Variants in CD99 observed in about 807,000 individuals in gnomAD.
CD99 encodes the protein CD99 antigen.
CD99 carries 19 observed loss-of-function variants against 28.4 expected under a neutral mutation model. The ratio of observed to expected loss-of-function variants is 0.67; its 90% CI spans 0.47 to 0.98. CD99 has a LOEUF of 0.98. CD99 is among the 50% of genes least tolerant of loss of function. CD99 has a pLI of 0.00. For missense variants in CD99, 283 were observed against 248.8 expected (o/e 1.14, Z -0.92); for synonymous variants, 103 against 92.1 (o/e 1.12, Z -0.67).
In CD99 at chrX:2,736,107, C is replaced by G. The variant is rs759923180; in HGVS notation, c.476-2093C>G. On this transcript the variant is annotated intron_variant, in intron 8 of 9. Transcript: ENST00000381192. ...GTCCCAGCTACTCGGGAGGCTGAGG[C>G]AAGAGAATGGCGTGAACCCTGGAGG... 8.7e-5 allele frequency among the ~76,000 whole-genome samples: 13 copies of G among 149,966 alleles called. No individual in the cohort carries two copies. In the South Asian group the frequency reaches 2.7e-3, roughly 32 times the overall value.
chrX:2,715,468 C>G (rs1182866912), intron 2 of CD99: 4 of 151,594 alleles, frequency 2.6e-5, no homozygotes, highest in African/African-American at 9.8e-5. Flanking sequence ...CTGCCTCCTT[C>G]TCCGTGGGGC....
intron 9 of CD99, among the ~76,000 whole-genome samples, chrX:2,740,065 C>T (rs1196628020): frequency 6.6e-6 from 1 of 151,796 alleles, no homozygotes; most frequent in African/African-American, 2.4e-5. Flanking sequence ...GCACTCCAGC[C>T]TGGGCAACAA....
intron 7 of CD99, among the ~76,000 whole-genome samples, chrX:2,724,571 C>A (rs1261956732): frequency 6.6e-6 from 1 of 152,010 alleles, no homozygotes; most frequent in Non-Finnish European, 1.5e-5. Flanking sequence ...GAGTTCGAAA[C>A]CAGCCTGGCC....
At chrX:2,705,101 G>C (rs918843748) in intron 1 of CD99, among the ~76,000 whole-genome samples, 10 of 152,238 alleles carry the variant, frequency 6.6e-5, no homozygotes, top group African/African-American at 2.2e-4. Context: ...TCCATAGTTT[G>C]CTAGCAGAGA....
At chrX:2,728,670 A>G (rs2049425678) in intron 8 of CD99, among the ~76,000 whole-genome samples, 3 of 152,274 alleles carry the variant, frequency 2.0e-5, no homozygotes, top group East Asian at 1.9e-4. Flanking sequence ...TTAAAACAGT[A>G]GGGACTCAAT....
rs756640225 is a variant in CD99, at chrX:2,691,674, A to C, written c.67+247A>C. 9.9e-6 allele frequency: 7 copies of C among 704,040 alleles called. No individual in the cohort carries two copies. The African/African-American group carries it at 1.2e-4, about 12-fold the overall frequency. The allele number at this position is 704,040 out of a possible 1,614,324, so 43.6% of individuals were successfully genotyped here. ...TGTTGTCGGAGTTGCAAACTCTTAC[A>C]TGTGGGGCGGCCTTGGGAGAGGTGC... is the stretch of plus-strand genomic sequence containing the variant. On this transcript the variant is annotated intron_variant, in intron 1 of 9. Coordinates refer to ENST00000381192, the MANE Select transcript of CD99 (RefSeq NM_002414.5).
intron 1 of CD99, among the ~76,000 whole-genome samples, chrX:2,707,995 C>T (rs1214603547): frequency 8.5e-5 from 13 of 152,136 alleles, no homozygotes; most frequent in South Asian, 2.1e-4. Context: ...AGTTAGGAGA[C>T]GATAGCTTCA....
intron 1 of CD99, among the ~76,000 whole-genome samples, chrX:2,696,833 T>G (rs2047599689): frequency 6.6e-6 from 1 of 152,194 alleles, no homozygotes; most frequent in Non-Finnish European, 1.5e-5. Flanking sequence ...GCTTGGTTCC[T>G]TGGTGAGTTT....
At chrX:2,696,082 G>T (rs1271338370) in intron 1 of CD99, among the ~76,000 whole-genome samples, 3 of 152,222 alleles carry the variant, frequency 2.0e-5, no homozygotes, top group Admixed American at 1.3e-4. Context: ...AAGTGGCTTG[G>T]ATTCTAGCTG....
At chrX:2,694,717 C>T (rs1221702458) in intron 1 of CD99, among the ~76,000 whole-genome samples, 1 of 151,716 alleles carries the variant, frequency 6.6e-6, no homozygotes, top group African/African-American at 2.4e-5. Context: ...CGTGTCACCG[C>T]ATTATGGCCT....
chrX:2,738,201 A>G lies in CD99; in HGVS notation c.477A>G (p.Ala159=). The G allele has an allele frequency of 6.2e-7, 1 of 1,613,868 alleles. No individual in the cohort carries two copies. Among genetic ancestry groups the G allele is most frequent in the African/African-American group, 1.3e-5 (1 of 75,032 alleles). The change falls in exon 9 of 10, where the codon GCA becomes GCG. Residue 159 remains alanine, a splice_region_variant and synonymous_variant. Coordinates refer to ENST00000381192, the MANE Select transcript of CD99 (RefSeq NM_002414.5). Reference sequence around the variant, plus strand: ...TGTGTATTTTCTTCTTCTTTTCAGCAGAACAAGGGGAGGTGGACATGGAGA... The same window carrying G: ...TGTGTATTTTCTTCTTCTTTTCAGCGGAACAAGGGGAGGTGGACATGGAGA... ...QKKKLCFKEN[A]EQGEVDMESH...
intron 8 of CD99, among the ~76,000 whole-genome samples, chrX:2,733,828 T>C (rs867593248): frequency 6.6e-6 from 1 of 152,254 alleles, no homozygotes; most frequent in South Asian, 2.1e-4. Context: ...GCATGGATTT[T>C]TAAATCTTCA....
chrX:2,735,722 A>G (rs919589022), intron 8 of CD99, among the ~76,000 whole-genome samples: 1 of 152,184 alleles, frequency 6.6e-6, no homozygotes, highest in Non-Finnish European at 1.5e-5. Context: ...AGAACAAATG[A>G]CATTTGTGGT....
At chrX:2,712,463 G>A (rs961089444) in intron 1 of CD99, among the ~76,000 whole-genome samples, 31 of 152,068 alleles carry the variant, frequency 2.0e-4, no homozygotes, top group African/African-American at 6.8e-4. Flanking sequence ...GATTTCTATG[G>A]AAACATATGA....
At chrX:2,700,432 C>T (rs1569426514) in intron 1 of CD99, among the ~76,000 whole-genome samples, 2 of 151,774 alleles carry the variant, frequency 1.3e-5, no homozygotes, top group South Asian at 4.2e-4. Flanking sequence ...ATCAACCCAT[C>T]CTCCCATTCA....
At chrX:2,736,853 T>C (rs2049968343) in intron 8 of CD99, among the ~76,000 whole-genome samples, 1 of 151,094 alleles carries the variant, frequency 6.6e-6, no homozygotes, top group Non-Finnish European at 1.5e-5. Flanking sequence ...CGAGACTCTG[T>C]CTCAAAGAAA....
In CD99 at chrX:2,709,140, G is replaced by A. The variant is rs2048258221; in HGVS notation, c.68-5282G>A. Among the ~76,000 whole-genome samples, 3 of 144,880 alleles carry A rather than the reference G, an allele frequency of 2.1e-5. No individual in the cohort carries two copies. The South Asian group carries it at 6.5e-4, about 31-fold the overall frequency. On this transcript the variant is annotated intron_variant, in intron 1 of 9. Transcript: ENST00000381192. ...GGGAGGGGCAAGCTAGGCTGGGGAG[G>A]TGGCAGGCCATGGACACACACCAGA...
intron 1 of CD99, among the ~76,000 whole-genome samples, chrX:2,710,537 C>CT (rs1214929948): frequency 6.7e-6 from 1 of 150,194 alleles, no homozygotes; most frequent in Non-Finnish European, 1.5e-5. Context: ...ATTGCTGCTG[C>CT]TTTTTTTTCT....
intron 8 of CD99, among the ~76,000 whole-genome samples, chrX:2,734,410 G>A (rs774264616): frequency 1.7e-4 from 26 of 151,840 alleles, no homozygotes; most frequent in African/African-American, 5.8e-4. Flanking sequence ...GGGTTCAAGC[G>A]ATTCTCCTGC....
Sources: allele counts gnomAD v4.1 joint callset (sites outside exome capture counted in the v4.1 genomes callset), GRCh38; gene constraint gnomAD v4.1.1; transcripts MANE v1.5; gene names NCBI Gene and HGNC (gene_info 2026-07-23, HGNC 2026-07-21).